SSBP3: variants seen among roughly 807,000 people sequenced by gnomAD.
SSBP3 encodes the protein single-stranded DNA-binding protein 3.
In SSBP3, 5 loss-of-function variants were observed where a neutral mutation model predicts 69.6. The observed-to-expected ratio is 0.07, with a 90% confidence interval of 0.04 to 0.15. SSBP3 has a LOEUF of 0.15. Among genes scored for constraint, SSBP3 ranks in the 10% least tolerant of loss-of-function variants. The pLI is 1.00. For missense variants in SSBP3, 312 were observed against 534.0 expected, an observed-to-expected ratio of 0.58 and a Z score of 4.10; for synonymous variants, 196 against 193.4, an observed-to-expected ratio of 1.01 and a Z score of -0.11.
chr1:54,301,915 A>G (rs1645809366), intron 4 of SSBP3, among the ~76,000 whole-genome samples: 1 of 152,176 alleles, frequency 6.6e-6, no homozygotes, highest in Non-Finnish European at 1.5e-5. Context: ...GCCTCCCCCA[A>G]ATTATGTGTG....
At chr1:54,408,148 C>G (rs1228357643), upstream of SSBP3, among the ~76,000 whole-genome samples, 1 of 152,076 alleles carries the variant, frequency 6.6e-6, no homozygotes, top group Non-Finnish European at 1.5e-5. Flanking sequence ...CCAGCGCTCA[C>G]AGGGGAAAGG....
At chr1:54,296,849 C>T (rs938004337) in intron 4 of SSBP3, among the ~76,000 whole-genome samples, 5 of 152,192 alleles carry the variant, frequency 3.3e-5, no homozygotes, top group African/African-American at 7.2e-5. Flanking sequence ...ACCAGACTCC[C>T]AGAGCCTTGC....
intron 14 of SSBP3, chr1:54,238,725 T>A: frequency 3.2e-6 from 1 of 314,000 alleles, no homozygotes; most frequent in East Asian, 8.9e-5. Flanking sequence ...GTCCCCTTGC[T>A]GCTGGCTCCA....
At chr1:54,349,468 T>G (rs1474170920) in intron 4 of SSBP3, among the ~76,000 whole-genome samples, 1 of 152,202 alleles carries the variant, frequency 6.6e-6, no homozygotes, top group Non-Finnish European at 1.5e-5. Flanking sequence ...AAGAGCATAC[T>G]ATGAAGTTAT....
chr1:54,257,288 G>T, intron 6 of SSBP3, 102 bp from the exon 7 acceptor site: 1 of 1,028,298 alleles, frequency 9.7e-7, no homozygotes, highest in Non-Finnish European at 1.4e-6. Context: ...TATAACTAGT[G>T]ATCTTTTAAG....
chr1:54,354,039 T>C (rs549923335), intron 4 of SSBP3, among the ~76,000 whole-genome samples: 2 of 152,162 alleles, frequency 1.3e-5, no homozygotes, highest in South Asian at 4.2e-4. Context: ...CTCCCCCGGC[T>C]CAGCAAGAGC....
intron 4 of SSBP3, chr1:54,325,541 A>G (rs1026813208): frequency 1.2e-5 from 2 of 166,682 alleles, no homozygotes; most frequent in Admixed American, 6.5e-5. Context: ...AGCCCTCCCA[A>G]GATGAAATAC....
chr1:54,331,810 C>T (rs557752840), intron 4 of SSBP3, among the ~76,000 whole-genome samples: 4 of 152,314 alleles, frequency 2.6e-5, no homozygotes, highest in African/African-American at 7.2e-5. Flanking sequence ...CCCAACTGCC[C>T]GCCAGCACCC....
intron 5 of SSBP3, among the ~76,000 whole-genome samples, chr1:54,261,572 T>C (rs922320423): frequency 2.6e-5 from 4 of 152,150 alleles, no homozygotes; most frequent in African/African-American, 9.7e-5. Context: ...TCAAAGCTGA[T>C]GATACTGATG....
intron 4 of SSBP3, among the ~76,000 whole-genome samples, chr1:54,317,864 C>T (rs1646142151): frequency 6.6e-6 from 1 of 152,258 alleles, no homozygotes; most frequent in South Asian, 2.1e-4. Flanking sequence ...CTCCTGGGTT[C>T]GAGTGATTCT....
intron 17 of SSBP3, 146 bp downstream of exon 17, chr1:54,228,109 G>T: frequency 1.3e-6 from 1 of 787,222 alleles, no homozygotes; most frequent in Non-Finnish European, 2.2e-6. Flanking sequence ...GCACACTTCT[G>T]CTAAAAAAAT....
chr1:54,345,710 C>T (rs2100548720), intron 4 of SSBP3, among the ~76,000 whole-genome samples: 1 of 152,282 alleles, frequency 6.6e-6, no homozygotes, highest in African/African-American at 2.4e-5. Flanking sequence ...GAGCAGATTC[C>T]TAACAGAAGA....
intron 4 of SSBP3, among the ~76,000 whole-genome samples, chr1:54,360,744 C>T (rs1434837093): frequency 6.6e-6 from 1 of 152,100 alleles, no homozygotes; most frequent in African/African-American, 2.4e-5. Flanking sequence ...TCCTCACCTG[C>T]AAAATGGGGG....
intron 5 of SSBP3, among the ~76,000 whole-genome samples, chr1:54,275,170 C>G (rs1645261549): frequency 6.6e-6 from 1 of 152,202 alleles, no homozygotes; most frequent in Non-Finnish European, 1.5e-5. Flanking sequence ...CCCTTACACA[C>G]CACGTCTGAC....
intron 4 of SSBP3, among the ~76,000 whole-genome samples, chr1:54,375,787 C>T (rs1647211840): frequency 2.0e-5 from 3 of 152,314 alleles, no homozygotes; most frequent in Admixed American, 6.5e-5. Context: ...TTTATCTTGA[C>T]GCTACAGGCG....
intron 4 of SSBP3, among the ~76,000 whole-genome samples, chr1:54,346,078 G>T (rs1394109828): frequency 1.3e-5 from 2 of 151,848 alleles, no homozygotes; most frequent in Non-Finnish European, 2.9e-5. Flanking sequence ...CAGGAGAATC[G>T]CTTGAACTCA....
chr1:54,374,730 C>A (rs564559397), intron 4 of SSBP3, among the ~76,000 whole-genome samples: 10 of 152,172 alleles, frequency 6.6e-5, no homozygotes, highest in Non-Finnish European at 1.3e-4. Context: ...CCACACACAA[C>A]CCTGACCCCA....
At chr1:54,404,472 G>A (rs552227272) in intron 3 of SSBP3, 104 bp downstream of exon 3, 16 of 1,391,382 alleles carry the variant, frequency 1.1e-5, no homozygotes, top group African/African-American at 2.8e-5. Flanking sequence ...CAACGCAGAG[G>A]GCCACAGGGC....
intron 4 of SSBP3, among the ~76,000 whole-genome samples, chr1:54,305,822 T>A: frequency 6.7e-6 from 1 of 149,378 alleles, no homozygotes; most frequent in Non-Finnish European, 1.5e-5. Context: ...GATTTGGGGC[T>A]CAAAGATGGT....
Sources: allele counts gnomAD v4.1 joint callset (sites outside exome capture counted in the v4.1 genomes callset), GRCh38; gene constraint gnomAD v4.1.1; transcripts MANE v1.5; gene names NCBI Gene and HGNC (gene_info 2026-07-23, HGNC 2026-07-21).